Variants in MPI observed in about 807,000 individuals in gnomAD.
The protein encoded by MPI is mannose phosphate isomerase, also known as mannose-6-phosphate isomerase.
A neutral mutation model predicts 40.1 loss-of-function variants in MPI; 33 were observed. The observed-to-expected ratio is 0.82, with a 90% CI of 0.62 to 1.10. MPI has a LOEUF of 1.10. Among genes scored for constraint, MPI ranks in the 50% least tolerant of loss-of-function variants. The probability of loss-of-function intolerance (pLI) is 0.00; values close to 1 mark genes in which losing one functional copy is unlikely to be tolerated. For missense variants in MPI, 514 were observed against 524.1 expected, an observed-to-expected ratio of 0.98 and a Z score of 0.19; for synonymous variants, 187 against 207.4, an observed-to-expected ratio of 0.90 and a Z score of 0.85.
At chr15:74,892,234 C>T (rs113782784) in intron 3 of MPI, among the ~76,000 whole-genome samples, 48 of 152,262 alleles carry the variant, frequency 3.2e-4, no homozygotes, top group African/African-American at 1.1e-3. Flanking sequence ...CCTCGTAATC[C>T]GCTCGCCTCA....
In MPI at chr15:74,892,695, A is replaced by G; in HGVS notation, c.380A>G (p.Gln127Arg). ...GAGAAGCTGCACCTCCAGGCTCCGC[A>G]GCACTACCCCGATGCCAACCACAAG... ...LAEKLHLQAP[Q>R]HYPDANHKPE... The change falls in exon 4 of 8, where the codon CAG becomes CGG. Residue 127 changes from glutamine (Q) to arginine (R), a missense_variant. By Grantham distance (43) the Gln-to-Arg change is conservative. Transcript: ENST00000352410. 2 of 1,614,250 alleles carry G rather than the reference A, an allele frequency of 1.2e-6. No individual in the cohort carries two copies. The highest frequency in any genetic ancestry group is 1.7e-6 in the Non-Finnish European group (2 of 1,180,048).
chr15:74,894,310 C>T (rs2064784395), intron 5 of MPI, among the ~76,000 whole-genome samples: 1 of 151,762 alleles, frequency 6.6e-6, no homozygotes, highest in Admixed American at 6.6e-5. Flanking sequence ...TCTCGAACTC[C>T]TGAGCTCAGG....
In MPI at chr15:74,890,634, G is replaced by C. The variant is rs1316039664; in HGVS notation, c.124G>C (p.Glu42Gln). The change falls in exon 2 of 8, where the codon GAG becomes CAG. Residue 42 changes from glutamate to glutamine, a missense_variant. Coordinates refer to ENST00000352410, the MANE Select transcript of MPI (RefSeq NM_002435.3). ...CAGTGATCCACTGGCCCAGATCGCA[G>C]AGGACAAGCCTTATGCAGAGGTGAG... ...ASSDPLAQIA[E>Q]DKPYAELWMG... is the part of the protein sequence containing the mutation. 2.5e-6 allele frequency: 4 copies of C among 1,614,080 alleles called. No individual in the cohort carries two copies. Among genetic ancestry groups the C allele is most frequent in the East Asian group, 4.5e-5 (2 of 44,890 alleles).
chr15:74,896,464 A>T, intron 6 of MPI, 139 bp downstream of exon 6: 1 of 882,062 alleles, frequency 1.1e-6, no homozygotes. Flanking sequence ...TCCTGGGCTC[A>T]GCAAGCAACA....
At chr15:74,893,466 C>A in intron 5 of MPI, 146 bp downstream of exon 5, 1 of 808,462 alleles carries the variant, frequency 1.2e-6, no homozygotes, top group Non-Finnish European at 2.1e-6. Context: ...GGCAACTTAG[C>A]ATTGCTTGCC....
Position 74,897,223 on chromosome 15 carries a change from A to G in MPI, c.1053+4A>G, listed in dbSNP as rs758678506. On this transcript the variant is annotated splice_donor_region_variant and intron_variant, in intron 7 of 7. Transcript: ENST00000352410. ...CTTCACCATTATGAAGACGGAGGTG[A>G]GTGAGGGGCTATGATGGGTGTCCTT... The G allele has an allele frequency of 2.5e-6, 4 of 1,613,756 alleles. No individual in the cohort carries two copies. In the East Asian group the frequency reaches 8.9e-5, roughly 36 times the overall value.
At chr15:74,896,533 C>T (rs1033088729) in intron 6 of MPI, 1 of 698,744 alleles carries the variant, frequency 1.4e-6, no homozygotes. Flanking sequence ...TGACACCAAC[C>T]CTGTGATGCC....
intron 5 of MPI, chr15:74,895,326 C>A (rs1309344548): frequency 6.6e-6 from 1 of 151,084 alleles, no homozygotes; most frequent in African/African-American, 2.4e-5. Context: ...GGTGCGGTGG[C>A]TCACACCTGT....
Position 74,896,325 on chromosome 15 carries a change from G to A in MPI, c.844G>A (p.Asp282Asn). Residue 282 changes from aspartate to asparagine, a missense_variant and splice_region_variant, in exon 6 of 8, where the codon GAC becomes AAC. Coordinates refer to ENST00000352410, the MANE Select transcript of MPI (RefSeq NM_002435.3). Reference protein sequence around the residue: ...ANVPHAYLKGDCVECMACSDN... With the variant: ...ANVPHAYLKGNCVECMACSDN... ...CGTACCCCATGCCTACCTGAAAGGA[G>A]GTGAGCCACATTTCAGCAGTGAGCC... 2 of 1,614,120 alleles carry A rather than the reference G, an allele frequency of 1.2e-6. No homozygotes were observed. The highest frequency in any genetic ancestry group is 1.1e-5 in the South Asian group (1 of 91,082).
At chr15:74,890,689 C>G (rs182603678) in intron 2 of MPI, 35 bp downstream of exon 2, 1 of 1,610,776 alleles carries the variant, frequency 6.2e-7, no homozygotes, top group Non-Finnish European at 8.5e-7. Context: ...CCACTTTACC[C>G]GCAGGTCAGG....
chr15:74,897,092 G>A lies in MPI; in HGVS notation c.926G>A (p.Cys309Tyr), dbSNP rs1433931750. The A allele has an allele frequency of 6.2e-7, 1 of 1,614,156 alleles. No homozygotes were observed. Among genetic ancestry groups the A allele is most frequent in the Non-Finnish European group, 8.5e-7 (1 of 1,180,026 alleles). ...AAGTTCATTGATGTGCCAACCCTGTGTGAAATGCTCAGCTATACCCCTAGC... is the reference window on the plus strand; with the variant it reads ...AAGTTCATTGATGTGCCAACCCTGTATGAAATGCTCAGCTATACCCCTAGC... ...TPKFIDVPTL[C>Y]EMLSYTPSSS... The change falls in exon 7 of 8, where the codon TGT becomes TAT. Residue 309 changes from cysteine (C) to tyrosine (Y), a missense_variant. Physicochemically the swap from Cys to Tyr is radical, Grantham distance 194. Transcript: ENST00000352410.
At position 74,899,291 on chromosome 15, in the gene MPI, A is replaced by C. The variant is rs1267712495; in HGVS notation, c.*1561A>C. 3 of 152,206 alleles carry C rather than the reference A, an allele frequency of 2.0e-5. No individual in the cohort carries two copies. Among genetic ancestry groups the C allele is most frequent in the Non-Finnish European group, 4.4e-5 (3 of 68,048 alleles). 9.4% of individuals were successfully genotyped at this position (152,206 alleles called of 1,614,324 possible). A position where few individuals can be genotyped will look rare whatever the true frequency, so the allele number is the denominator to read the frequency against. ...CTCCTTCCTGTGGGATAAAGGTTTA[A>C]ATTCATGCAAAAGAATCTTTCTGGG... On this transcript the variant is annotated 3_prime_UTR_variant, in exon 8 of 8. Coordinates refer to ENST00000352410, the MANE Select transcript of MPI (RefSeq NM_002435.3).
chr15:74,896,119 CT>C, intron 5 of MPI, 32 bp from the exon 6 acceptor site: 7 of 1,612,804 alleles, frequency 4.3e-6, no homozygotes, highest in Non-Finnish European at 5.9e-6. Context: ...GAGTATCCCC[CT>C]AAGTGACCTT....
In MPI at chr15:74,890,056, C is replaced by T. The variant is rs2064698638; in HGVS notation, c.-18C>T. On this transcript the variant is annotated 5_prime_UTR_variant, in exon 1 of 8. Transcript: ENST00000352410. ...CCGGGAAAGGCATACGTGCTTAATC[C>T]TGGTGCAGGGGGCGAGCATGGCCGC... 1.2e-6 allele frequency: 2 copies of T among 1,606,212 alleles called. No homozygotes were observed. The highest frequency in any genetic ancestry group is 1.7e-6 in the Non-Finnish European group (2 of 1,179,914).
chr15:74,893,967 C>G (rs2064764794), intron 5 of MPI, among the ~76,000 whole-genome samples: 1 of 150,674 alleles, frequency 6.6e-6, no homozygotes, highest in Non-Finnish European at 1.5e-5. Context: ...TTTATTTTAC[C>G]TCTACAGGTT....
At position 74,897,097 on chromosome 15, in the gene MPI, A is replaced by G. The variant is rs2064829673; in HGVS notation, c.931A>G (p.Met311Val). ...KFIDVPTLCE[M>V]LSYTPSSSKD... ...CATTGATGTGCCAACCCTGTGTGAAATGCTCAGCTATACCCCTAGCTCCAG... is the reference window on the plus strand; with the variant it reads ...CATTGATGTGCCAACCCTGTGTGAAGTGCTCAGCTATACCCCTAGCTCCAG... The change falls in exon 7 of 8, where the codon ATG becomes GTG. Residue 311 changes from methionine (M) to valine (V), a missense_variant. By Grantham distance (21) the Met-to-Val change is conservative. Coordinates refer to ENST00000352410, the MANE Select transcript of MPI (RefSeq NM_002435.3). The G allele has an allele frequency of 1.9e-6, 3 of 1,614,166 alleles. No individual in the cohort carries two copies. Among genetic ancestry groups the G allele is most frequent in the South Asian group, 1.1e-5 (1 of 91,086 alleles).
rs1462157487 is a variant in MPI, at chr15:74,892,898, C to T, written c.487+96C>T. 3.8e-6 allele frequency: 6 copies of T among 1,589,010 alleles called. No individual in the cohort carries two copies. The Admixed American group carries it at 1.0e-4, about 27-fold the overall frequency. ...CAGTGGCTGAGAACGGGTCACATGT[C>T]ACAGGAACTGAAGGGCCTCATGAAG... On this transcript the variant is annotated intron_variant, in intron 4 of 7. Transcript: ENST00000352410.
Position 74,896,136 on chromosome 15 carries a change from G to GCTCTGTGA in MPI, c.671-14_671-7dup, listed in dbSNP as rs1567268389. 6.2e-7 allele frequency: 1 copy of GCTCTGTGA among 1,613,726 alleles called. No homozygotes were observed. The highest frequency in any genetic ancestry group is 8.5e-7 in the Non-Finnish European group (1 of 1,179,984). ...GTATCCCCCTAAGTGACCTTGGGGT[G>GCTCTGTGA]CTCTGTGACCCTCAGCGGCTGCCGG... On this transcript the variant is annotated splice_polypyrimidine_tract_variant and intron_variant, in intron 5 of 7. Coordinates refer to ENST00000352410, the MANE Select transcript of MPI (RefSeq NM_002435.3).
At position 74,894,039 on chromosome 15, in the gene MPI, AGTGT is replaced by A. The variant is rs1163375284; in HGVS notation, c.670+785_670+788del. On this transcript the variant is annotated intron_variant, in intron 5 of 7. Coordinates refer to ENST00000352410, the MANE Select transcript of MPI (RefSeq NM_002435.3). ...GACCCAAGCATATTTTTTTCTGTTC[AGTGT>A]GTGTGTGTGTGTGTGTGTGTGTGTG... Among the ~76,000 whole-genome samples, 482 of 56,946 alleles carry A rather than the reference AGTGT, an allele frequency of 8.5e-3. 5 individuals carry two copies. Among genetic ancestry groups the A allele is most frequent in the South Asian group, 0.013 (20 of 1,494 alleles). 37.4% of individuals were successfully genotyped at this position (56,946 alleles called of 152,430 possible).
Sources: gnomAD v4.1 joint callset for allele counts (sites outside exome capture counted in the v4.1 genomes callset) on GRCh38, gnomAD v4.1.1 for gene constraint, MANE v1.5 for transcripts, NCBI Gene and HGNC (gene_info 2026-07-23, HGNC 2026-07-21) for gene names.